Variants in RABL3 observed in about 807,000 individuals in gnomAD.
RABL3 encodes rab-like protein 3.
In RABL3, 31 loss-of-function variants were observed where a neutral mutation model predicts 31.8. The ratio of observed to expected loss-of-function variants is 0.97; its 90% CI spans 0.73 to 1.31. The LOEUF (loss-of-function observed/expected upper bound fraction) is 1.31, where lower values mean the gene tolerates loss of function less well. Among genes scored for constraint, RABL3 ranks in the 40% most tolerant of loss-of-function variants. RABL3 has a pLI of 0.00. For synonymous variants in RABL3, 97 were observed against 99.9 expected, an observed-to-expected ratio of 0.97 and a Z score of 0.18; for missense variants, 263 against 279.6, an observed-to-expected ratio of 0.94 and a Z score of 0.42.
At chr3:120,693,859 A>G (rs1708407174) in intron 6 of RABL3, among the ~76,000 whole-genome samples, 1 of 152,210 alleles carries the variant, frequency 6.6e-6, no homozygotes, top group African/African-American at 2.4e-5. Flanking sequence ...TGAAAAAAAG[A>G]GCTAGAAAAT....
rs1442560318 is a variant in RABL3 at position 120,689,913 on chromosome 3, T to C, written c.646-25A>G. The C allele has an allele frequency of 6.9e-6, 11 of 1,587,434 alleles. No homozygotes were observed. The East Asian group carries it at 2.5e-4, about 36-fold the overall frequency. On this transcript the variant is annotated intron_variant, in intron 7 of 7. Coordinates refer to ENST00000273375, the MANE Select transcript of RABL3 (RefSeq NM_173825.5). ...TCTGTAGGCAAGAAAGATAATTGCA[T>C]TAAGTCTCAAGCAATAAAAGTTCAA...
In RABL3 at chr3:120,698,423, C is replaced by T; in HGVS notation, c.534G>A (p.Leu178=). The T allele has an allele frequency of 6.2e-7, 1 of 1,611,486 alleles. No individual in the cohort carries two copies. The highest frequency in any genetic ancestry group is 8.5e-7 in the Non-Finnish European group (1 of 1,179,016). The change falls in exon 5 of 8, where the codon TTG becomes TTA. Residue 178 remains leucine, a splice_region_variant and synonymous_variant. Coordinates refer to ENST00000273375, the MANE Select transcript of RABL3 (RefSeq NM_173825.5). ...AEDFNPEEIN[L]DCTNPRYLAA... is the part of the protein sequence containing the mutation. ...AGCATGCATTAGTGAAAATACATAC[C>T]AAATTAATTTCTTCTGGATTGAAAT...
At chr3:120,723,511 A>G (rs1708775701) in intron 2 of RABL3, among the ~76,000 whole-genome samples, 1 of 152,162 alleles carries the variant, frequency 6.6e-6, no homozygotes, top group African/African-American at 2.4e-5. Flanking sequence ...AGAATTTTTG[A>G]CCAATATCCC....
intron 4 of RABL3, among the ~76,000 whole-genome samples, chr3:120,704,500 A>C (rs1708526551): frequency 6.6e-6 from 1 of 152,240 alleles, no homozygotes; most frequent in African/African-American, 2.4e-5. Flanking sequence ...TTTCCCCCTA[A>C]GATTGGAGTA....
intron 5 of RABL3, among the ~76,000 whole-genome samples, chr3:120,696,592 AACACACACACACAC>A (rs3037698): frequency 2.7e-5 from 4 of 147,464 alleles, no homozygotes; most frequent in African/African-American, 5.0e-5. Flanking sequence ...AAGTAGGAAT[AACACACACACACAC>A]ACACACACAC....
At chr3:120,725,536 T>G (rs1708807429) in intron 2 of RABL3, among the ~76,000 whole-genome samples, 2 of 152,176 alleles carry the variant, frequency 1.3e-5, no homozygotes, top group East Asian at 1.9e-4. Context: ...AGCAAAGACT[T>G]GGAACCAACC....
At chr3:120,738,179 G>A (rs1708995774) in intron 1 of RABL3, among the ~76,000 whole-genome samples, 1 of 152,212 alleles carries the variant, frequency 6.6e-6, no homozygotes, top group South Asian at 2.1e-4. Flanking sequence ...TGGCCTCTTT[G>A]TTTACTTACT....
intron 1 of RABL3, among the ~76,000 whole-genome samples, chr3:120,734,808 G>T (rs1252342215): frequency 6.6e-6 from 1 of 152,112 alleles, no homozygotes; most frequent in Non-Finnish European, 1.5e-5. Context: ...TAATCATGTG[G>T]TTTTTGTCTT....
intron 2 of RABL3, among the ~76,000 whole-genome samples, chr3:120,714,875 T>C (rs565198937): frequency 7.2e-4 from 109 of 152,320 alleles, no homozygotes; most frequent in African/African-American, 2.4e-3. Context: ...TCTCTAAATA[T>C]ACCCCAACCT....
Position 120,693,106 on chromosome 3 carries a change from C to G in RABL3, c.606+1047G>C, listed in dbSNP as rs189414454. ...GCGGTTGCCAATCACCCAACCCCCC[C>G]ACCCTGAGGACCCTGGCTGCTCTGA... On this transcript the variant is annotated intron_variant, in intron 6 of 7. Transcript: ENST00000273375. 7.2e-5 allele frequency among the ~76,000 whole-genome samples: 11 copies of G among 152,154 alleles called. No individual in the cohort carries two copies. The South Asian group carries it at 1.0e-3, about 14-fold the overall frequency.
rs1372547889 is a variant in RABL3, at chr3:120,686,285, AATATG to A, written c.*3533_*3537del. Among the ~76,000 whole-genome samples, 1 of 152,196 alleles carries A rather than the reference AATATG, an allele frequency of 6.6e-6. No homozygotes were observed. The highest frequency in any genetic ancestry group is 6.5e-5 in the Admixed American group (1 of 15,286). ...CCTGTTAGACCTTTAAACTTCTTAA[AATATG>A]ATGTCACCTGTGCTTTAAAAAATTC... On this transcript the variant is annotated 3_prime_UTR_variant, in exon 8 of 8. Transcript: ENST00000273375.
At chr3:120,735,206 T>C (rs1708941213) in intron 1 of RABL3, among the ~76,000 whole-genome samples, 1 of 143,600 alleles carries the variant, frequency 7.0e-6, no homozygotes, top group African/African-American at 2.4e-5. Context: ...CTATTAATTA[T>C]TGCCTCAATT....
At chr3:120,727,602 G>T (rs1708837428) in intron 2 of RABL3, among the ~76,000 whole-genome samples, 1 of 151,966 alleles carries the variant, frequency 6.6e-6, no homozygotes, top group Non-Finnish European at 1.5e-5. Flanking sequence ...ATTTTATAAG[G>T]TTAGCATAAG....
intron 3 of RABL3, among the ~76,000 whole-genome samples, chr3:120,707,667 C>T (rs749464752): frequency 1.3e-5 from 2 of 152,146 alleles, no homozygotes; most frequent in East Asian, 1.9e-4. Flanking sequence ...CTTTCCTTTT[C>T]CCCAGGCTAT....
intron 7 of RABL3, 31 bp downstream of exon 7, chr3:120,690,418 A>G (rs754523870): frequency 1.7e-5 from 25 of 1,465,650 alleles, no homozygotes; most frequent in Admixed American, 3.4e-5. Flanking sequence ...AAAATTTAAG[A>G]ATCTATTTTA....
At chr3:120,732,913 T>C (rs1056410468) in intron 1 of RABL3, among the ~76,000 whole-genome samples, 4 of 152,178 alleles carry the variant, frequency 2.6e-5, no homozygotes, top group African/African-American at 9.7e-5. Flanking sequence ...TATGGCTGCA[T>C]AGTATTCCAT....
At chr3:120,718,040 T>C (rs1265334914) in intron 2 of RABL3, among the ~76,000 whole-genome samples, 1 of 152,204 alleles carries the variant, frequency 6.6e-6, no homozygotes, top group Non-Finnish European at 1.5e-5. Flanking sequence ...TGGTCTCTCA[T>C]ATTCTTATTC....
chr3:120,688,883 T>C lies in RABL3; in HGVS notation c.*940A>G, dbSNP rs963531589. 1.3e-5 allele frequency: 2 copies of C among 152,172 alleles called. No homozygotes were observed. The highest frequency in any genetic ancestry group is 4.8e-5 in the African/African-American group (2 of 41,436). 9.4% of individuals were successfully genotyped at this position (152,172 alleles called of 1,614,324 possible). ...CTAGTTCATAATTCATGTAAATGTG[T>C]TGCTGTGGAACTTATTTTTACTTCT... On this transcript the variant is annotated 3_prime_UTR_variant, in exon 8 of 8. Transcript: ENST00000273375.
intron 2 of RABL3, among the ~76,000 whole-genome samples, chr3:120,713,578 T>C (rs1708635057): frequency 1.3e-5 from 2 of 151,980 alleles, no homozygotes; most frequent in African/African-American, 2.4e-5. Context: ...AAGGATCTGA[T>C]ACTTAAAGTC....
Sources: allele counts gnomAD v4.1 joint callset (sites outside exome capture counted in the v4.1 genomes callset), GRCh38; gene constraint gnomAD v4.1.1; transcripts MANE v1.5; gene names NCBI Gene and HGNC (gene_info 2026-07-23, HGNC 2026-07-21).